S100A8: variants seen among roughly 807,000 people sequenced by gnomAD.
S100A8 encodes S100 calcium binding protein A8.
In S100A8, 1 loss-of-function variant was observed where a neutral mutation model predicts 4.2. That is an observed-to-expected ratio of 0.24 (90% CI 0.08 to 1.12). S100A8 has a LOEUF of 1.12. Ranked by LOEUF, S100A8 falls within the 50% of genes most tolerant of loss-of-function variation. The probability of loss-of-function intolerance (pLI) is 0.53; values close to 1 mark genes in which losing one functional copy is unlikely to be tolerated. For missense variants in S100A8, 96 were observed against 111.8 expected, an observed-to-expected ratio of 0.86 and a Z score of 0.64; for synonymous variants, 41 against 44.7, an observed-to-expected ratio of 0.92 and a Z score of 0.33.
the S100A8 span, among the ~76,000 whole-genome samples, chr1:153,418,664 A>T: frequency 6.6e-6 from 1 of 152,142 alleles, no homozygotes; most frequent in African/African-American, 2.4e-5. Context: ...ATCTGAAAAA[A>T]CCTGTGGGCT....
At position 153,390,368 on chromosome 1, in the gene S100A8, C is replaced by G. The variant is rs1013240106; in HGVS notation, c.141+27G>C. ...GGCAGCCCCAGGACCAGGCAGAGAG[C>G]CCCCGCCACACCCAGCCCCTCCTCA... On this transcript the variant is annotated intron_variant, in intron 2 of 2. Coordinates refer to ENST00000368733, the MANE Select transcript of S100A8 (RefSeq NM_002964.5). 2.2e-5 allele frequency: 35 copies of G among 1,611,766 alleles called. 2 individuals carry two copies. The Admixed American group carries it at 5.7e-4, about 26-fold the overall frequency.
At chr1:153,394,869 G>A (rs2101611987), upstream of S100A8, among the ~76,000 whole-genome samples, 1 of 151,714 alleles carries the variant, frequency 6.6e-6, no homozygotes, top group Middle Eastern at 3.4e-3. Flanking sequence ...GTGCGCAGGT[G>A]GTATATCACC....
At chr1:153,392,729 G>A (rs1662130730), upstream of S100A8, among the ~76,000 whole-genome samples, 1 of 152,166 alleles carries the variant, frequency 6.6e-6, no homozygotes, top group Non-Finnish European at 1.5e-5. Flanking sequence ...CCGTGCCCTG[G>A]GAGATGGAGG....
Position 153,390,575 on chromosome 1 carries a change from C to A in S100A8, c.-22-18G>T, listed in dbSNP as rs1662067985. The A allele has an allele frequency of 1.9e-6, 3 of 1,612,326 alleles. No individual in the cohort carries two copies. The African/African-American group carries it at 4.0e-5, about 22-fold the overall frequency. ...TGCCCCACCTGAAAAACAGAACCTT[C>A]TGGGGAATCCCATGGCAGGGAATTT... On this transcript the variant is annotated intron_variant, in intron 1 of 2. Coordinates refer to ENST00000368733, the MANE Select transcript of S100A8 (RefSeq NM_002964.5).
chr1:153,418,750 G>A, the S100A8 span, among the ~76,000 whole-genome samples: 3 of 152,186 alleles, frequency 2.0e-5, no homozygotes, highest in Non-Finnish European at 4.4e-5. Flanking sequence ...GAGAAGAAAG[G>A]AGAGGAGGTC....
the S100A8 span, among the ~76,000 whole-genome samples, chr1:153,403,553 A>G: frequency 2.4e-3 from 371 of 152,238 alleles, 2 homozygotes; most frequent in African/African-American, 8.7e-3. Flanking sequence ...TGGAGCAATC[A>G]TGTCACATTA....
chr1:153,414,764 T>C, the S100A8 span, among the ~76,000 whole-genome samples: 1 of 152,226 alleles, frequency 6.6e-6, no homozygotes, highest in African/African-American at 2.4e-5. Flanking sequence ...CTCTTCGGGA[T>C]TTACCCAAAA....
the S100A8 span, among the ~76,000 whole-genome samples, chr1:153,400,977 A>G: frequency 6.6e-6 from 1 of 152,152 alleles, no homozygotes; most frequent in South Asian, 2.1e-4. Context: ...TTTCTGACCT[A>G]TGGCTGGGGA....
the S100A8 span, among the ~76,000 whole-genome samples, chr1:153,410,048 C>A: frequency 6.6e-6 from 1 of 151,978 alleles, no homozygotes; most frequent in Non-Finnish European, 1.5e-5. Context: ...AAATTGACAC[C>A]CTAACATCAC....
At chr1:153,413,258 C>T in the S100A8 span, among the ~76,000 whole-genome samples, 1,168 of 152,178 alleles carry the variant, frequency 7.7e-3, 15 homozygotes, top group African/African-American at 0.026. Context: ...TATGAATGCA[C>T]GTGTATATAA....
At chr1:153,396,107 A>G in the S100A8 span, among the ~76,000 whole-genome samples, 1 of 152,160 alleles carries the variant, frequency 6.6e-6, no homozygotes, top group Non-Finnish European at 1.5e-5. Context: ...CTGTCTCCCT[A>G]TCAGATAGGG....
the S100A8 span, chr1:153,396,638 G>A: frequency 9.1e-4 from 139 of 152,438 alleles, 1 homozygote; most frequent in African/African-American, 3.2e-3. Context: ...AGCTGCTGGT[G>A]GTAGTGCAGG....
chr1:153,414,417 A>G, the S100A8 span, among the ~76,000 whole-genome samples: 3 of 152,250 alleles, frequency 2.0e-5, no homozygotes, highest in African/African-American at 7.2e-5. Flanking sequence ...AGAGATAAGA[A>G]CACAAACCAA....
the S100A8 span, among the ~76,000 whole-genome samples, chr1:153,401,884 G>A: frequency 6.6e-6 from 1 of 152,124 alleles, no homozygotes; most frequent in Non-Finnish European, 1.5e-5. Context: ...ATTTTTGCCA[G>A]TTCTTACCAG....
chr1:153,407,936 G>C, the S100A8 span, among the ~76,000 whole-genome samples: 108 of 152,244 alleles, frequency 7.1e-4, no homozygotes, highest in African/African-American at 2.4e-3. Context: ...CTAACAAACA[G>C]AAAGGACATC....
chr1:153,415,713 C>CGG, the S100A8 span, among the ~76,000 whole-genome samples: 11 of 26,344 alleles, frequency 4.2e-4, no homozygotes, highest in African/African-American at 1.2e-3. Flanking sequence ...TTCCATGGGG[C>CGG]GGGGGGGGCG....
the S100A8 span, among the ~76,000 whole-genome samples, chr1:153,408,877 A>C: frequency 6.6e-6 from 1 of 152,218 alleles, no homozygotes; most frequent in East Asian, 1.9e-4. Flanking sequence ...CAGCCAAATT[A>C]AGCTTCATAA....
upstream of S100A8, chr1:153,391,158 C>T (rs1032319160): frequency 7.1e-6 from 7 of 985,412 alleles, no homozygotes; most frequent in Non-Finnish European, 1.2e-6. Flanking sequence ...CAGCTTCTCC[C>T]TGCCAGAGTT....
chr1:153,408,592 G>A, the S100A8 span, among the ~76,000 whole-genome samples: 2 of 152,110 alleles, frequency 1.3e-5, no homozygotes, highest in Non-Finnish European at 2.9e-5. Context: ...ATCTAGCAAG[G>A]CAGGCTAACA....
Sources: allele counts gnomAD v4.1 joint callset (sites outside exome capture counted in the v4.1 genomes callset), GRCh38; gene constraint gnomAD v4.1.1; transcripts MANE v1.5; gene names NCBI Gene and HGNC (gene_info 2026-07-23, HGNC 2026-07-21).